PTPRN2: variants seen among roughly 807,000 people sequenced by gnomAD.
PTPRN2 encodes the protein protein tyrosine phosphatase receptor type N2.
A neutral mutation model predicts 118.8 loss-of-function variants in PTPRN2; 74 were observed. The observed-to-expected ratio is 0.62, with a 90% confidence interval of 0.52 to 0.76. The LOEUF is 0.76. Among genes scored for constraint, PTPRN2 ranks in the 30% least tolerant of loss-of-function variants. PTPRN2 has a pLI of 0.00. For synonymous variants in PTPRN2, 641 were observed against 608.0 expected, an observed-to-expected ratio of 1.05 and a Z score of -0.80; for missense variants, 1,481 against 1,394.4, an observed-to-expected ratio of 1.06 and a Z score of -0.99.
intron 12 of PTPRN2, among the ~76,000 whole-genome samples, chr7:157,685,789 C>T (rs1196868354): frequency 6.6e-6 from 1 of 152,198 alleles, no homozygotes; most frequent in Non-Finnish European, 1.5e-5. Flanking sequence ...GGCTCTCCTC[C>T]CGGGTCCCCG....
chr7:157,616,794 C>T (rs1802801513), intron 15 of PTPRN2: 1 of 151,304 alleles, frequency 6.6e-6, no homozygotes, highest in Admixed American at 6.6e-5. Context: ...TTTGGTCACT[C>T]AGAAGTAACC....
chr7:158,167,438 A>C (rs1413557949), intron 5 of PTPRN2, 147 bp from the exon 6 acceptor site: 4 of 1,086,848 alleles, frequency 3.7e-6, no homozygotes, highest in Non-Finnish European at 5.1e-6. Flanking sequence ...CAAGGTCCTA[A>C]ACAGCCCTGG....
intron 2 of PTPRN2, among the ~76,000 whole-genome samples, chr7:158,341,747 CCG>C (rs1806857100): frequency 7.0e-6 from 1 of 143,308 alleles, no homozygotes; most frequent in African/African-American, 2.7e-5. Flanking sequence ...GTCACTCACA[CCG>C]ACACTCTCAC....
intron 11 of PTPRN2, among the ~76,000 whole-genome samples, chr7:157,952,397 C>G (rs12698115): frequency 0.47 from 60,698 of 128,866 alleles, 14,774 homozygotes; most frequent in Non-Finnish European, 0.57. Context: ...TAGTGTGCAT[C>G]CCTGAGACGG....
At chr7:158,340,623 C>A (rs1209937673) in intron 2 of PTPRN2, among the ~76,000 whole-genome samples, 16 of 110,900 alleles carry the variant, frequency 1.4e-4, no homozygotes, top group Non-Finnish European at 2.8e-4. Context: ...ACGTCACTCA[C>A]ACTCACACTC....
intron 12 of PTPRN2, among the ~76,000 whole-genome samples, chr7:157,697,451 A>C (rs1169889313): frequency 6.7e-5 from 8 of 118,688 alleles, no homozygotes; most frequent in Non-Finnish European, 1.2e-4. Context: ...ACCCATGCAT[A>C]CTGGGTCTTA....
intron 11 of PTPRN2, among the ~76,000 whole-genome samples, chr7:158,075,004 G>A (rs917017558): frequency 6.6e-6 from 1 of 150,786 alleles, no homozygotes; most frequent in Non-Finnish European, 1.5e-5. Flanking sequence ...TAGCCCTGTC[G>A]ATGGCGATGC....
At chr7:157,888,318 C>T (rs4716798) in intron 12 of PTPRN2, among the ~76,000 whole-genome samples, 139,072 of 152,178 alleles carry the variant, frequency 0.91, 63,762 homozygotes, top group East Asian at 1. Context: ...CAAGGAACCC[C>T]GTGAACTCTG....
At chr7:158,239,455 T>C (rs762657422) in intron 3 of PTPRN2, among the ~76,000 whole-genome samples, 1 of 152,134 alleles carries the variant, frequency 6.6e-6, no homozygotes. Flanking sequence ...CCTCCTGCCG[T>C]GTGGGGCAAA....
chr7:158,065,584 G>A (rs1284948055), intron 11 of PTPRN2, among the ~76,000 whole-genome samples: 4 of 152,226 alleles, frequency 2.6e-5, no homozygotes, highest in African/African-American at 9.6e-5. Context: ...CAGACCCGGG[G>A]GGAGGGCAGG....
At chr7:157,814,718 A>C (rs1806284821) in intron 12 of PTPRN2, among the ~76,000 whole-genome samples, 6 of 152,226 alleles carry the variant, frequency 3.9e-5, no homozygotes, top group Admixed American at 3.9e-4. Context: ...ATGAACACAG[A>C]GTGATGGGGC....
chr7:157,561,715 G>C (rs1266677509), intron 21 of PTPRN2, among the ~76,000 whole-genome samples: 1 of 152,228 alleles, frequency 6.6e-6, no homozygotes, highest in African/African-American at 2.4e-5. Flanking sequence ...TGAGCCCCAG[G>C]ACAGCCCGTG....
At position 158,575,885 on chromosome 7, in the gene PTPRN2, A is replaced by C. The variant is rs957200955; in HGVS notation, c.112+11673T>G. Among the ~76,000 whole-genome samples, 8 of 152,372 alleles carry C rather than the reference A, an allele frequency of 5.3e-5. No individual in the cohort carries two copies. In the East Asian group the frequency reaches 1.5e-3, roughly 29 times the overall value. On this transcript the variant is annotated intron_variant, in intron 1 of 22. Transcript: ENST00000389418. ...TTACTAGAAATTATAATAAAAATTT[A>C]AAAATAAGTAGATTGTTTTATAGAA...
chr7:158,124,318 G>C (rs1817436736), intron 9 of PTPRN2, among the ~76,000 whole-genome samples: 1 of 152,208 alleles, frequency 6.6e-6, no homozygotes, highest in African/African-American at 2.4e-5. Flanking sequence ...GCTGACGGAG[G>C]AAGACCTGGG....
intron 9 of PTPRN2, 92 bp downstream of exon 9, chr7:158,133,585 G>A (rs1818550516): frequency 1.4e-6 from 2 of 1,473,172 alleles, no homozygotes; most frequent in South Asian, 1.4e-5. Context: ...AAAAGCGTAT[G>A]CATCCGCCAC....
intron 14 of PTPRN2, among the ~76,000 whole-genome samples, chr7:157,651,902 T>A (rs1805689157): frequency 6.6e-6 from 1 of 152,114 alleles, no homozygotes; most frequent in African/African-American, 2.4e-5. Context: ...CCTTCCTGCC[T>A]CTCCCTCCTC....
intron 3 of PTPRN2, among the ~76,000 whole-genome samples, chr7:158,234,671 T>A (rs1430011517): frequency 6.6e-6 from 1 of 152,208 alleles, no homozygotes; most frequent in African/African-American, 2.4e-5. Flanking sequence ...GATATAGTCA[T>A]CAAATAAAAA....
At chr7:158,038,253 C>T (rs1253844107) in intron 11 of PTPRN2, among the ~76,000 whole-genome samples, 1 of 152,116 alleles carries the variant, frequency 6.6e-6, no homozygotes, top group Non-Finnish European at 1.5e-5. Context: ...TAAGTACACA[C>T]ATGGGGACTG....
intron 2 of PTPRN2, among the ~76,000 whole-genome samples, chr7:158,396,279 A>G (rs1369232750): frequency 3.9e-5 from 6 of 152,224 alleles, no homozygotes; most frequent in African/African-American, 9.6e-5. Flanking sequence ...TAAAACAATA[A>G]AAGTGTAGTG....
Sources: gnomAD v4.1 joint callset for allele counts (sites outside exome capture counted in the v4.1 genomes callset) on GRCh38, gnomAD v4.1.1 for gene constraint, MANE v1.5 for transcripts, NCBI Gene and HGNC (gene_info 2026-07-23, HGNC 2026-07-21) for gene names.